Variants in KIF26B observed in about 807,000 individuals in gnomAD.
KIF26B encodes the protein kinesin family member 26B.
Under a neutral mutation model 151.2 loss-of-function variants are expected in KIF26B, and 63 were observed. The ratio of observed to expected loss-of-function variants is 0.42; its 90% CI spans 0.34 to 0.51. The LOEUF (loss-of-function observed/expected upper bound fraction) is 0.51. Ranked by LOEUF, KIF26B falls within the 20% of genes least tolerant of loss-of-function variation. The probability of loss-of-function intolerance (pLI) is 0.07; values close to 1 mark genes in which losing one functional copy is unlikely to be tolerated. For synonymous variants in KIF26B, 1,357 were observed against 1,262.1 expected (o/e 1.08, Z -1.59); for missense variants, 2,813 against 2,913.6 (o/e 0.97, Z 0.79).
chr1:245,392,751 G>A (rs1289945326), intron 3 of KIF26B, among the ~76,000 whole-genome samples: 1 of 152,116 alleles, frequency 6.6e-6, no homozygotes, highest in African/African-American at 2.4e-5. Flanking sequence ...AGTCCTTTCG[G>A]TGTACAAATT....
chr1:245,344,494 CAAAAAAAAAAAAAAA>C (rs57007301), intron 2 of KIF26B, among the ~76,000 whole-genome samples: 1 of 40,024 alleles, frequency 2.5e-5, no homozygotes. Context: ...GACTCCGTCT[CAAAAAAAAAAAAAAA>C]AAAAAAAAAA....
chr1:245,381,711 C>T (rs1246597818), intron 3 of KIF26B, among the ~76,000 whole-genome samples: 2 of 152,164 alleles, frequency 1.3e-5, no homozygotes, highest in Non-Finnish European at 2.9e-5. Flanking sequence ...AACTCCACAC[C>T]CTTTCAACAC....
chr1:245,418,084 G>C (rs1264737620), intron 3 of KIF26B, among the ~76,000 whole-genome samples: 1 of 152,234 alleles, frequency 6.6e-6, no homozygotes, highest in African/African-American at 2.4e-5. Flanking sequence ...GCTGTTGAGT[G>C]GGGATGACGG....
At chr1:245,339,902 C>T (rs1672304368) in intron 2 of KIF26B, among the ~76,000 whole-genome samples, 1 of 152,218 alleles carries the variant, frequency 6.6e-6, no homozygotes, top group Non-Finnish European at 1.5e-5. Flanking sequence ...TTGCTCTTCC[C>T]CATTGGGCCG....
chr1:245,493,302 C>G (rs1026433264), intron 4 of KIF26B, among the ~76,000 whole-genome samples: 1 of 152,168 alleles, frequency 6.6e-6, no homozygotes, highest in African/African-American at 2.4e-5. Flanking sequence ...GAGAAAAGTG[C>G]TCCTGGAATG....
chr1:245,502,855 G>A (rs1660650976), intron 4 of KIF26B, among the ~76,000 whole-genome samples: 1 of 151,414 alleles, frequency 6.6e-6, no homozygotes, highest in East Asian at 1.9e-4. Flanking sequence ...AGAAGCTTAT[G>A]GTGAACTTTT....
At chr1:245,246,023 C>T (rs1056643216) in intron 2 of KIF26B, among the ~76,000 whole-genome samples, 18 of 149,474 alleles carry the variant, frequency 1.2e-4, no homozygotes, top group African/African-American at 4.5e-4. Flanking sequence ...ACCTGGGAGG[C>T]GGAGCTTGCC....
intron 4 of KIF26B, among the ~76,000 whole-genome samples, chr1:245,490,136 A>G (rs1381157950): frequency 6.6e-6 from 1 of 152,134 alleles, no homozygotes; most frequent in Non-Finnish European, 1.5e-5. Context: ...TCCATTGAGT[A>G]TTGAACTTGG....
intron 2 of KIF26B, among the ~76,000 whole-genome samples, chr1:245,251,047 G>T (rs59474428): frequency 6.6e-6 from 1 of 152,056 alleles, no homozygotes. Flanking sequence ...GACACACTTC[G>T]TTTCCCCAGC....
chr1:245,622,175 C>A (rs1184502948), intron 9 of KIF26B, among the ~76,000 whole-genome samples: 11 of 152,200 alleles, frequency 7.2e-5, no homozygotes, highest in East Asian at 1.9e-4. Context: ...TTGCAGGGTA[C>A]AAAATAGCAT....
At chr1:245,426,977 A>G (rs1208272445) in intron 4 of KIF26B, among the ~76,000 whole-genome samples, 3 of 152,250 alleles carry the variant, frequency 2.0e-5, no homozygotes, top group East Asian at 1.9e-4. Context: ...GTACTTGGTT[A>G]TATGTTTGGA....
intron 9 of KIF26B, among the ~76,000 whole-genome samples, chr1:245,636,289 A>G (rs2103176629): frequency 6.6e-6 from 1 of 151,938 alleles, no homozygotes; most frequent in South Asian, 2.1e-4. Context: ...TTAGAACATG[A>G]GCCACATAAA....
chr1:245,686,672 GCAT>G lies in KIF26B; in HGVS notation c.3695_3697del (p.Ile1232del), dbSNP rs756809650. The G allele has an allele frequency of 6.2e-7, 1 of 1,612,218 alleles. No individual in the cohort carries two copies. Among genetic ancestry groups the G allele is most frequent in the Non-Finnish European group, 8.5e-7 (1 of 1,179,350 alleles). On this transcript the variant is annotated inframe_deletion, in exon 12 of 15. Transcript: ENST00000407071. This position sits in a 1 kb window ranked among gnomAD's most constrained non-coding sequence, Gnocchi z 5.6. Reference sequence around the variant, plus strand: ...CTGGCCTCGGGCTCGCGGCCCGTCAGCATCATCAGCAGCATCAGCGAGGACCTG... The same window carrying G: ...CTGGCCTCGGGCTCGCGGCCCGTCAGCATCAGCAGCATCAGCGAGGACCTG...
intron 5 of KIF26B, among the ~76,000 whole-genome samples, chr1:245,586,885 T>C (rs1054868250): frequency 1.6e-5 from 2 of 121,278 alleles, no homozygotes; most frequent in East Asian, 2.3e-4. Flanking sequence ...AGAGCGAGAC[T>C]CCGTCTCAAA....
rs552783780 is a variant in KIF26B, at chr1:245,314,466, G to A, written c.466-52368G>A. Among the ~76,000 whole-genome samples, 383 of 152,160 alleles carry A rather than the reference G, an allele frequency of 2.5e-3. 1 individual carries two copies. The highest frequency in any genetic ancestry group is 8.4e-3 in the African/African-American group (349 of 41,514). On this transcript the variant is annotated intron_variant, in intron 2 of 14. Transcript: ENST00000407071. ...GACTCTGTCTCGAAAAAAAGAAAAA[G>A]CAAACAAACAAACAGCCCTTACATT...
chr1:245,557,452 C>T (rs987987052), intron 5 of KIF26B, among the ~76,000 whole-genome samples: 1 of 152,200 alleles, frequency 6.6e-6, no homozygotes, highest in Non-Finnish European at 1.5e-5. Context: ...TGGGCCTGAA[C>T]TTCTTTATCT....
In KIF26B at chr1:245,205,650, C is replaced by T. The variant is rs148462140; in HGVS notation, c.465+48967C>T. On this transcript the variant is annotated intron_variant, in intron 2 of 14. Coordinates refer to ENST00000407071, the MANE Select transcript of KIF26B (RefSeq NM_018012.4). The stretch of plus-strand genomic sequence containing the variant: ...CCATGATGTTCCTGCCACAGGATTT[C>T]GTGCTGGGCTGACAGAACAGAACAG... Among the ~76,000 whole-genome samples, 659 of 152,044 alleles carry T rather than the reference C, an allele frequency of 4.3e-3. 4 individuals carry two copies. The highest frequency in any genetic ancestry group is 0.015 in the African/African-American group (604 of 41,490).
rs1335893590 is a variant in KIF26B, at chr1:245,287,493, TCTC to T, written c.466-79340_466-79338del. ...AGGGTCCCTGTGTGTCTCATCTCTC[TCTC>T]TCTTTTTTTTTTTTTTTTTTTCCTG... On this transcript the variant is annotated intron_variant, in intron 2 of 14. Coordinates refer to ENST00000407071, the MANE Select transcript of KIF26B (RefSeq NM_018012.4). 3.0e-3 allele frequency among the ~76,000 whole-genome samples: 403 copies of T among 134,306 alleles called. 5 individuals carry two copies. Among genetic ancestry groups the T allele is most frequent in the African/African-American group, 0.011 (377 of 35,268 alleles). 88.1% of individuals were successfully genotyped at this position (134,306 alleles called of 152,430 possible). A position where few individuals can be genotyped will look rare whatever the true frequency, so the allele number is the denominator to read the frequency against.
intron 4 of KIF26B, among the ~76,000 whole-genome samples, chr1:245,524,997 G>A (rs959571824): frequency 6.6e-6 from 1 of 151,886 alleles, no homozygotes; most frequent in African/African-American, 2.4e-5. Flanking sequence ...TACCTCTCTG[G>A]CTGCTCCTTT....
Sources: gnomAD v4.1 joint callset for allele counts (sites outside exome capture counted in the v4.1 genomes callset) on GRCh38, gnomAD v4.1.1 for gene constraint, Gnocchi (gnomAD v3.1) non-coding constraint, MANE v1.5 for transcripts, NCBI Gene and HGNC (gene_info 2026-07-23, HGNC 2026-07-21) for gene names.